Variants in FRS2 observed in about 807,000 individuals in gnomAD.
FRS2 encodes the protein FGFR signalling adaptor.
FRS2 carries 8 observed loss-of-function variants against 43.9 expected under a neutral mutation model. That is an observed-to-expected ratio of 0.18 (90% confidence interval 0.11 to 0.33). FRS2 has a LOEUF of 0.33. FRS2 is among the 10% of genes least tolerant of loss of function. The pLI is 1.00. For synonymous variants in FRS2, 219 were observed against 220.3 expected (o/e 0.99, Z 0.05); for missense variants, 534 against 627.6 (o/e 0.85, Z 1.59).
At chr12:69,537,936 A>G (rs907308927) in intron 3 of FRS2, 4 of 152,322 alleles carry the variant, frequency 2.6e-5, no homozygotes, top group Admixed American at 2.0e-4. Context: ...TCTTTCTACC[A>G]TCATCAAGAT....
At chr12:69,501,247 A>C (rs1486110525) in intron 1 of FRS2, among the ~76,000 whole-genome samples, 1 of 152,136 alleles carries the variant, frequency 6.6e-6, no homozygotes, top group Admixed American at 6.5e-5. Context: ...AGAATGAGAC[A>C]AGATATAAAT....
chr12:69,546,535 A>C lies in FRS2; in HGVS notation c.-122+14479A>C, dbSNP rs150535464. ...GGCCTCCCAAAGTGCTGGGATTACA[A>C]GCATGTGACACCATGCCCGGCTAAT... On this transcript the variant is annotated intron_variant, in intron 3 of 8. Coordinates refer to ENST00000549921, the MANE Select transcript of FRS2 (RefSeq NM_001278356.2). Among the ~76,000 whole-genome samples, 880 of 151,896 alleles carry C rather than the reference A, an allele frequency of 5.8e-3. 8 individuals carry two copies. Among genetic ancestry groups the C allele is most frequent in the African/African-American group, 0.02 (848 of 41,424 alleles).
intron 1 of FRS2, among the ~76,000 whole-genome samples, chr12:69,474,182 A>T (rs945366533): frequency 1.3e-5 from 2 of 152,044 alleles, no homozygotes; most frequent in African/African-American, 2.4e-5. Context: ...TGACGGTGGT[A>T]CTCTTACTAG....
chr12:69,573,513 A>T (rs1465996107), intron 8 of FRS2, among the ~76,000 whole-genome samples: 1 of 125,474 alleles, frequency 8.0e-6, no homozygotes, highest in Non-Finnish European at 2.0e-5. Flanking sequence ...CCAGGCTGAT[A>T]ATGTAATGGT....
intron 1 of FRS2, among the ~76,000 whole-genome samples, chr12:69,485,021 G>A (rs1592918255): frequency 6.9e-6 from 1 of 144,250 alleles, no homozygotes; most frequent in South Asian, 2.4e-4. Flanking sequence ...TGAGGTGGAA[G>A]GATCACTTGA....
At chr12:69,523,098 T>A (rs559483431) in intron 1 of FRS2, among the ~76,000 whole-genome samples, 1 of 152,316 alleles carries the variant, frequency 6.6e-6, no homozygotes, top group East Asian at 1.9e-4. Flanking sequence ...TCGGGTTCAT[T>A]TGGTCCAGTG....
At chr12:69,554,300 TAATC>T (rs1879157854) in intron 3 of FRS2, among the ~76,000 whole-genome samples, 1 of 152,178 alleles carries the variant, frequency 6.6e-6, no homozygotes, top group African/African-American at 2.4e-5. Flanking sequence ...ACCACCAAAT[TAATC>T]AGTGTTAACA....
intron 1 of FRS2, among the ~76,000 whole-genome samples, chr12:69,483,461 AATTC>A (rs1871522882): frequency 2.0e-5 from 3 of 152,214 alleles, no homozygotes; most frequent in Non-Finnish European, 4.4e-5. Flanking sequence ...AATTTGTTTT[AATTC>A]ATAAAGTGAA....
intron 1 of FRS2, among the ~76,000 whole-genome samples, chr12:69,499,918 G>GA (rs1439387093): frequency 6.6e-6 from 1 of 152,072 alleles, no homozygotes. Flanking sequence ...AAAATGTGGA[G>GA]AAAAAATTGA....
chr12:69,579,128 A>G lies in FRS2; in HGVS notation c.*4173A>G, dbSNP rs574117892. 2.0e-5 allele frequency: 3 copies of G among 152,756 alleles called. 1 individual carries two copies. Among genetic ancestry groups the G allele is most frequent in the Admixed American group, 2.0e-4 (3 of 15,298 alleles). 9.5% of individuals were successfully genotyped at this position (152,756 alleles called of 1,614,324 possible). A position where few individuals can be genotyped will look rare whatever the true frequency, so the allele number is the denominator to read the frequency against. ...CCTTTGTTCTCTATTTCTCCCTATC[A>G]GTGCCAACTTCATACATTTTGTAGC... On this transcript the variant is annotated 3_prime_UTR_variant, in exon 9 of 9. Transcript: ENST00000549921.
At chr12:69,531,422 G>A (rs1343067314) in intron 2 of FRS2, among the ~76,000 whole-genome samples, 1 of 152,076 alleles carries the variant, frequency 6.6e-6, no homozygotes. Flanking sequence ...TCTAAGAAGT[G>A]TATTTCTGTG....
chr12:69,520,201 G>A (rs1875490010), intron 1 of FRS2, among the ~76,000 whole-genome samples: 1 of 149,736 alleles, frequency 6.7e-6, no homozygotes, highest in Non-Finnish European at 1.5e-5. Flanking sequence ...CCACGTTTAT[G>A]TGTTCTTTTG....
At chr12:69,477,400 AG>A (rs758448180) in intron 1 of FRS2, among the ~76,000 whole-genome samples, 7 of 148,346 alleles carry the variant, frequency 4.7e-5, no homozygotes, top group Non-Finnish European at 1.0e-4. Context: ...CTCCTGCCTC[AG>A]CCTCACCAGT....
Position 69,571,757 on chromosome 12 carries a change from G to A in FRS2, c.412+323G>A, listed in dbSNP as rs150074293. Among the ~76,000 whole-genome samples the A allele has an allele frequency of 1.4e-3, 214 of 152,138 alleles. 1 individual carries two copies. Among genetic ancestry groups the A allele is most frequent in the African/African-American group, 4.7e-3 (196 of 41,500 alleles). ...TGGGCACCTGTAATCCCAGCTACTC[G>A]GGAGGCTGAGGCAGGAGAATAGCAT... is the stretch of plus-strand genomic sequence containing the variant. On this transcript the variant is annotated intron_variant, in intron 7 of 8. Transcript: ENST00000549921.
chr12:69,499,839 G>A (rs541391321), intron 1 of FRS2, among the ~76,000 whole-genome samples: 1 of 152,080 alleles, frequency 6.6e-6, no homozygotes, highest in African/African-American at 2.4e-5. Context: ...TGAATTTGAT[G>A]TGCTGGTATA....
chr12:69,483,946 G>C (rs909470353), intron 1 of FRS2, among the ~76,000 whole-genome samples: 1 of 152,062 alleles, frequency 6.6e-6, no homozygotes, highest in Non-Finnish European at 1.5e-5. Flanking sequence ...AACTTACTAG[G>C]CGAGAAAGGT....
At chr12:69,532,123 T>TA (rs1363468299) in intron 3 of FRS2, 67 bp downstream of exon 3, 5 of 152,472 alleles carry the variant, frequency 3.3e-5, no homozygotes, top group Non-Finnish European at 7.3e-5. Context: ...TCCTGATTTT[T>TA]AAAAATTTGT....
At chr12:69,518,781 G>T (rs754685247) in intron 1 of FRS2, among the ~76,000 whole-genome samples, 14 of 151,902 alleles carry the variant, frequency 9.2e-5, no homozygotes, top group Non-Finnish European at 2.1e-4. Flanking sequence ...TTGGGAGGCC[G>T]AGGCAGGTGG....
rs539535376 is a variant in FRS2 at position 69,541,030 on chromosome 12, C to T, written c.-122+8974C>T. ...GAAAAACCATTACTGCCAAGAGGAT[C>T]CTTAAGAGACATGATGACTAAATGT... On this transcript the variant is annotated intron_variant, in intron 3 of 8. Coordinates refer to ENST00000549921, the MANE Select transcript of FRS2 (RefSeq NM_001278356.2). 3.1e-4 allele frequency among the ~76,000 whole-genome samples: 47 copies of T among 152,204 alleles called. 1 individual carries two copies. Among genetic ancestry groups the T allele is most frequent in the Non-Finnish European group, 5.3e-4 (36 of 68,008 alleles).
Sources: gnomAD v4.1 joint callset for allele counts (sites outside exome capture counted in the v4.1 genomes callset) on GRCh38, gnomAD v4.1.1 for gene constraint, MANE v1.5 for transcripts, NCBI Gene and HGNC (gene_info 2026-07-23, HGNC 2026-07-21) for gene names.